Variants in SARDH observed in about 807,000 individuals in gnomAD.
SARDH encodes the protein sarcosine dehydrogenase, also known as sarcosine dehydrogenase, mitochondrial.
Under a neutral mutation model 109.1 loss-of-function variants are expected in SARDH, and 95 were observed. That is an observed-to-expected ratio of 0.87 (90% CI 0.74 to 1.03). SARDH has a LOEUF of 1.03. SARDH is among the 50% of genes least tolerant of loss of function. The pLI is 0.00. For missense variants in SARDH, 1,267 were observed against 1,287.8 expected, an observed-to-expected ratio of 0.98 and a Z score of 0.25; for synonymous variants, 572 against 534.8, an observed-to-expected ratio of 1.07 and a Z score of -0.96.
chr9:133,688,045 C>T lies in SARDH; in HGVS notation c.2069+2335G>A, dbSNP rs561039515. 2.6e-4 allele frequency among the ~76,000 whole-genome samples: 39 copies of T among 152,298 alleles called. No homozygotes were observed. In the South Asian group the frequency reaches 6.8e-3, roughly 27 times the overall value. On this transcript the variant is annotated intron_variant, in intron 16 of 20. Coordinates refer to ENST00000439388, the MANE Select transcript of SARDH (RefSeq NM_001134707.2). ...GTCCATCTGCCACCTCCTCCCTCCACGGCCCACCTGCCTCCCCCACACTAA... is the reference window on the plus strand; with the variant it reads ...GTCCATCTGCCACCTCCTCCCTCCATGGCCCACCTGCCTCCCCCACACTAA...
In SARDH at chr9:133,732,406, C is replaced by G. The variant is rs1426850983; in HGVS notation, c.510+17G>C. ...CACCCAAGCCCCCCTCCTTGCCCCC[C>G]GCAGGGGAGCACACACCGACATGAG... is the stretch of plus-strand genomic sequence containing the variant. On this transcript the variant is annotated intron_variant, in intron 3 of 20. Coordinates refer to ENST00000439388, the MANE Select transcript of SARDH (RefSeq NM_001134707.2). The G allele has an allele frequency of 1.9e-6, 3 of 1,606,666 alleles. No individual in the cohort carries two copies. The highest frequency in any genetic ancestry group is 2.3e-5 in the East Asian group (1 of 44,428).
chr9:133,739,298 C>T (rs1347051557), upstream of SARDH, among the ~76,000 whole-genome samples: 1 of 152,236 alleles, frequency 6.6e-6, no homozygotes, highest in African/African-American at 2.4e-5. Flanking sequence ...GTATAGTAAA[C>T]TGCTGTAATT....
rs780111957 is a variant in SARDH, at chr9:133,708,372, T to G, written c.1385A>C (p.Glu462Ala). Reference protein sequence around the residue: ...HPRWIRERSHESYAKNYSVVF... With the variant: ...HPRWIRERSHASYAKNYSVVF... ...GACGGAGTAGTTCTTGGCGTAGGAC[T>G]CATGGCTTCGCTCTCGGATCCAGCG... Residue 462 changes from glutamate to alanine, a missense_variant, in exon 11 of 21, where the codon GAG becomes GCG. Coordinates refer to ENST00000439388, the MANE Select transcript of SARDH (RefSeq NM_001134707.2). 1.9e-6 allele frequency: 3 copies of G among 1,613,134 alleles called. 1 individual carries two copies. In the South Asian group the frequency reaches 3.3e-5, roughly 18 times the overall value.
In SARDH at chr9:133,713,113, G is replaced by A. The variant is rs768893946; in HGVS notation, c.1162C>T (p.Pro388Ser). Residue 388 changes from proline (P) to serine (S), a missense_variant, in exon 9 of 21, where the codon CCC becomes TCC. Transcript: ENST00000439388. Reference protein sequence around the residue: ...STVCGPESFTPDHKPLMGEAP... With the variant: ...STVCGPESFTSDHKPLMGEAP... Reference sequence around the variant, plus strand: ...TCCCCCATCAGGGGCTTGTGGTCGGGCGTGAAGGATTCTGAAAGAAGGAGA... The same window carrying A: ...TCCCCCATCAGGGGCTTGTGGTCGGACGTGAAGGATTCTGAAAGAAGGAGA... 6.2e-7 allele frequency: 1 copy of A among 1,613,226 alleles called. No homozygotes were observed.
At chr9:133,670,022 C>A (rs1173447650) in intron 19 of SARDH, among the ~76,000 whole-genome samples, 1 of 152,236 alleles carries the variant, frequency 6.6e-6, no homozygotes, top group Non-Finnish European at 1.5e-5. Flanking sequence ...AGGTGCGCAA[C>A]CTTACACTGG....
intron 11 of SARDH, among the ~76,000 whole-genome samples, chr9:133,707,079 C>T (rs1413926010): frequency 6.6e-6 from 1 of 152,194 alleles, no homozygotes; most frequent in Non-Finnish European, 1.5e-5. Context: ...GGGCAGGCTC[C>T]CCTCTTTATA....
intron 8 of SARDH, among the ~76,000 whole-genome samples, chr9:133,716,063 G>T (rs960440393): frequency 6.6e-6 from 1 of 152,202 alleles, no homozygotes; most frequent in Non-Finnish European, 1.5e-5. Flanking sequence ...TGCCCACCTG[G>T]TGCTCCCCTG....
At chr9:133,690,285 C>G (rs553501278) in intron 16 of SARDH, 95 bp downstream of exon 16, 3 of 1,438,864 alleles carry the variant, frequency 2.1e-6, no homozygotes, top group Admixed American at 3.9e-5. Flanking sequence ...TCAGAATGGC[C>G]CATTCTGGAC....
At chr9:133,739,208 G>A (rs972352712), upstream of SARDH, among the ~76,000 whole-genome samples, 4 of 152,200 alleles carry the variant, frequency 2.6e-5, no homozygotes, top group Non-Finnish European at 4.4e-5. Context: ...TCTCCTCCTC[G>A]CGCTGGATCA....
intron 8 of SARDH, among the ~76,000 whole-genome samples, chr9:133,716,192 T>C (rs1468090454): frequency 6.6e-6 from 1 of 152,196 alleles, no homozygotes; most frequent in Non-Finnish European, 1.5e-5. Flanking sequence ...AGTCACCCCA[T>C]GCCTCGTGTC....
chr9:133,688,963 G>C (rs1830990595), intron 16 of SARDH, among the ~76,000 whole-genome samples: 1 of 152,218 alleles, frequency 6.6e-6, no homozygotes, highest in African/African-American at 2.4e-5. Context: ...CATATGCTTG[G>C]ACGGACAGCA....
At chr9:133,722,965 CTA>C (rs1163340425) in intron 6 of SARDH, among the ~76,000 whole-genome samples, 2 of 152,100 alleles carry the variant, frequency 1.3e-5, no homozygotes, top group Non-Finnish European at 2.9e-5. Context: ...AGCCAAAAAA[CTA>C]ATATATTTCT....
At chr9:133,716,279 C>T (rs1395774593) in intron 8 of SARDH, among the ~76,000 whole-genome samples, 4 of 152,326 alleles carry the variant, frequency 2.6e-5, no homozygotes, top group African/African-American at 7.2e-5. Flanking sequence ...TGGCCCTGAG[C>T]GTGCCTGCCT....
chr9:133,735,555 G>C (rs75391229), intron 1 of SARDH, among the ~76,000 whole-genome samples: 1 of 152,216 alleles, frequency 6.6e-6, no homozygotes, highest in Non-Finnish European at 1.5e-5. Flanking sequence ...CAACCGTGGT[G>C]ACTGCAATCC....
At position 133,663,883 on chromosome 9, in the gene SARDH, G is replaced by A. The variant is rs369425719; in HGVS notation, c.*6C>T. 9.3e-6 allele frequency: 15 copies of A among 1,613,928 alleles called. No homozygotes were observed. The highest frequency in any genetic ancestry group is 1.3e-5 in the African/African-American group (1 of 74,914). ...CAGCATGGGATGGGGCATGTGGTCT[G>A]AGCCCTCAGTAGATTCCCTTCACCC... is the stretch of plus-strand genomic sequence containing the variant. On this transcript the variant is annotated 3_prime_UTR_variant, in exon 21 of 21. Coordinates refer to ENST00000439388, the MANE Select transcript of SARDH (RefSeq NM_001134707.2).
At position 133,732,438 on chromosome 9, in the gene SARDH, G is replaced by T; in HGVS notation, c.495C>A (p.Tyr165Ter). Residue 165 changes from tyrosine to a stop codon, truncating the protein, a stop_gained, in exon 3 of 21, where the codon TAC becomes TAA. Coordinates refer to ENST00000439388, the MANE Select transcript of SARDH (RefSeq NM_001134707.2). LOFTEE classifies it high-confidence loss of function. ...GAGCACACACCGACATGAGCCTCTT[G>T]TACTCGTCCAGGCGCTGCCGGTTGG... Reference protein sequence around the residue: ...IASNRQRLDEYKRLMSLGKAY... With the variant: ...IASNRQRLDE 6.3e-7 allele frequency: 1 copy of T among 1,585,334 alleles called. No individual in the cohort carries two copies. Among genetic ancestry groups the T allele is most frequent in the Non-Finnish European group, 8.6e-7 (1 of 1,163,548 alleles).
intron 17 of SARDH, among the ~76,000 whole-genome samples, chr9:133,674,620 G>A (rs1439416167): frequency 3.3e-5 from 5 of 152,218 alleles, no homozygotes; most frequent in Non-Finnish European, 5.9e-5. Flanking sequence ...ATCTCTACAA[G>A]GGCGCTGAGG....
chr9:133,715,609 G>A (rs1299207738), intron 8 of SARDH, among the ~76,000 whole-genome samples: 2 of 152,170 alleles, frequency 1.3e-5, no homozygotes, highest in Admixed American at 6.5e-5. Flanking sequence ...AGAGGGGGCT[G>A]GACTCCTCGG....
chr9:133,685,640 C>T (rs758409349), intron 16 of SARDH, among the ~76,000 whole-genome samples: 20 of 152,184 alleles, frequency 1.3e-4, no homozygotes, highest in Non-Finnish European at 2.2e-4. Flanking sequence ...GCATCTGGAC[C>T]AGGTCCACAA....
Sources: allele counts gnomAD v4.1 joint callset (sites outside exome capture counted in the v4.1 genomes callset), GRCh38; gene constraint gnomAD v4.1.1; transcripts MANE v1.5; gene names NCBI Gene and HGNC (gene_info 2026-07-23, HGNC 2026-07-21).